Variants in GINS2 observed in about 807,000 individuals in gnomAD.
The protein encoded by GINS2 is DNA replication complex GINS protein PSF2.
Under a neutral mutation model 21.2 loss-of-function variants are expected in GINS2, and 23 were observed. The ratio of observed to expected loss-of-function variants is 1.08; its 90% CI spans 0.78 to 1.53. GINS2 has a LOEUF of 1.53. GINS2 is among the 40% of genes most tolerant of loss of function. The pLI, the probability that GINS2 is intolerant of heterozygous loss-of-function variation, is 0.00. For missense variants in GINS2, 323 were observed against 233.9 expected (o/e 1.38, Z -2.49); for synonymous variants, 118 against 85.6 (o/e 1.38, Z -2.09).
chr16:85,682,335 T>G (rs1002220516), intron 2 of GINS2, among the ~76,000 whole-genome samples: 2 of 152,156 alleles, frequency 1.3e-5, no homozygotes, highest in Admixed American at 1.3e-4. Context: ...ATGCAATAAG[T>G]GATCAAACTA....
At chr16:85,685,456 A>T (rs965503196) in intron 2 of GINS2, among the ~76,000 whole-genome samples, 3 of 151,798 alleles carry the variant, frequency 2.0e-5, no homozygotes, top group African/African-American at 7.3e-5. Context: ...GGAGCCCAGA[A>T]GTTTGACACC....
At position 85,678,371 on chromosome 16, in the gene GINS2, AGT is replaced by A. The variant is rs772703666; in HGVS notation, c.433-36_433-35del. The A allele has an allele frequency of 3.1e-6, 5 of 1,611,098 alleles. No homozygotes were observed. The African/African-American group carries it at 6.7e-5, about 22-fold the overall frequency. On this transcript the variant is annotated intron_variant, in intron 4 of 4. Transcript: ENST00000253462. ...AGAAAACAGACCAAGTTGGCCAAGG[AGT>A]TTTTGATTTTGAGAAAAAGGTAAAC... is the stretch of plus-strand genomic sequence containing the variant.
At chr16:85,686,425 A>C (rs971380442) in intron 2 of GINS2, among the ~76,000 whole-genome samples, 1 of 152,168 alleles carries the variant, frequency 6.6e-6, no homozygotes, top group Non-Finnish European at 1.5e-5. Flanking sequence ...CTCAAAAAAA[A>C]AAAAAAAGTA....
At chr16:85,686,722 A>G (rs1453585883) in intron 2 of GINS2, among the ~76,000 whole-genome samples, 1 of 152,238 alleles carries the variant, frequency 6.6e-6, no homozygotes, top group African/African-American at 2.4e-5. Context: ...AAGATCTTTA[A>G]GATGTTTCAG....
rs771461968 is a variant in GINS2 at position 85,678,287 on chromosome 16, T to C, written c.483A>G (p.Thr161=). The C allele has an allele frequency of 3.1e-6, 5 of 1,613,232 alleles. No homozygotes were observed. The South Asian group carries it at 5.5e-5, about 18-fold the overall frequency. The change falls in exon 5 of 5, where the codon ACA becomes ACG. Residue 161 remains threonine (T), a synonymous_variant. Transcript: ENST00000253462. ...GTTTGTACATGTGGTTGAGCGCTTG[T>C]GTGAGGAAAGTCCCGCTGGTGTTGA... ...MEINTSGTFL[T]QALNHMYKLR... is the part of the protein sequence containing the mutation.
rs138279242 is a variant in GINS2, at chr16:85,678,994, C to T, written c.306-328G>A. ...ACAGCATTCCGTGCTGCCTAACCTCCATCTACAAGGAATCAGTTTCGAGGG... is the reference window on the plus strand; with the variant it reads ...ACAGCATTCCGTGCTGCCTAACCTCTATCTACAAGGAATCAGTTTCGAGGG... On this transcript the variant is annotated intron_variant, in intron 3 of 4. Coordinates refer to ENST00000253462, the MANE Select transcript of GINS2 (RefSeq NM_016095.3). Among the ~76,000 whole-genome samples the T allele has an allele frequency of 8.5e-3, 1,302 of 152,298 alleles. 44 individuals carry two copies. The highest frequency in any genetic ancestry group is 0.062 in the South Asian group (300 of 4,814).
chr16:85,683,903 C>T (rs2053754175), intron 2 of GINS2, among the ~76,000 whole-genome samples: 1 of 152,210 alleles, frequency 6.6e-6, no homozygotes, highest in African/African-American at 2.4e-5. Context: ...AAAGGCTCAG[C>T]TGCTTTGAAG....
chr16:85,687,411 C>A, intron 2 of GINS2, 49 bp downstream of exon 2: 1 of 1,181,266 alleles, frequency 8.5e-7, no homozygotes, highest in East Asian at 2.6e-5. Flanking sequence ...GGGCGTCACC[C>A]CAAGCCCAGC....
At chr16:85,681,443 T>C (rs1350530472) in intron 3 of GINS2, 139 bp downstream of exon 3, 1 of 617,444 alleles carries the variant, frequency 1.6e-6, no homozygotes, top group Non-Finnish European at 2.9e-6. Flanking sequence ...TCATGGTCAC[T>C]GACCTGAGAA....
At position 85,688,865 on chromosome 16, in the gene GINS2, T is replaced by C. The variant is rs1326600880; in HGVS notation, c.34A>G (p.Lys12Glu). Residue 12 changes from lysine to glutamate, a missense_variant, in exon 1 of 5, where the codon AAG becomes GAG. Physicochemically the swap from Lys to Glu is moderately conservative, Grantham distance 56 (BLOSUM62 1). Transcript: ENST00000253462. ...DAAEVEFLAE[K>E]ELVTIIPNFS... ...TTGGGGATAATGGTAACCAGCTCCT[T>C]CTCGGCGAGGAATTCGACCTCGGCA... 2 of 1,542,764 alleles carry C rather than the reference T, an allele frequency of 1.3e-6. No homozygotes were observed. The highest frequency in any genetic ancestry group is 4.0e-5 in the Admixed American group (2 of 50,626).
Position 85,688,913 on chromosome 16 carries a change from C to T in GINS2, c.-15G>A. 2 of 1,526,224 alleles carry T rather than the reference C, an allele frequency of 1.3e-6. No homozygotes were observed. The highest frequency in any genetic ancestry group is 1.7e-4 in the Middle Eastern group (1 of 5,918). 94.5% of individuals were successfully genotyped at this position (1,526,224 alleles called of 1,614,324 possible). ...GCAGCGTCCATGGCGGCGCGAGCTGCAGGCCAGAGCCTCACGGTCTCCTCG... is the reference window on the plus strand; with the variant it reads ...GCAGCGTCCATGGCGGCGCGAGCTGTAGGCCAGAGCCTCACGGTCTCCTCG... On this transcript the variant is annotated 5_prime_UTR_variant, in exon 1 of 5. Transcript: ENST00000253462.
At chr16:85,686,260 AAAAC>A (rs1270805613) in intron 2 of GINS2, among the ~76,000 whole-genome samples, 2 of 152,112 alleles carry the variant, frequency 1.3e-5, no homozygotes, top group African/African-American at 4.8e-5. Context: ...TAAAAATACA[AAAAC>A]AAAATTAGCC....
rs369222886 is a variant in GINS2 at position 85,678,225 on chromosome 16, G to C, written c.545C>G (p.Ser182Cys). 3 of 1,613,376 alleles carry C rather than the reference G, an allele frequency of 1.9e-6. No homozygotes were observed. The South Asian group carries it at 3.3e-5, about 18-fold the overall frequency. Reference sequence around the variant, plus strand: ...CCAGGCCTTTCTCTAGAAGTCCTGAGACTGAGTACTCTCCAGAGGCTGGAG... The same window carrying C: ...CCAGGCCTTTCTCTAGAAGTCCTGACACTGAGTACTCTCCAGAGGCTGGAG... ...TNLQPLESTQSQDF is the reference protein window; with the variant it reads ...TNLQPLESTQCQDF Residue 182 changes from serine to cysteine, a missense_variant, in exon 5 of 5, where the codon TCT becomes TGT. Physicochemically the swap from Ser to Cys is moderately radical, Grantham distance 112. Transcript: ENST00000253462.
chr16:85,686,638 G>C (rs1405983579), intron 2 of GINS2, among the ~76,000 whole-genome samples: 4 of 152,108 alleles, frequency 2.6e-5, no homozygotes, highest in Admixed American at 1.3e-4. Flanking sequence ...CTATTGATTT[G>C]CCTATTCTAG....
At chr16:85,685,657 C>A (rs72803017) in intron 2 of GINS2, among the ~76,000 whole-genome samples, 26,209 of 105,820 alleles carry the variant, frequency 0.25, 3,305 homozygotes, top group Middle Eastern at 0.32. Flanking sequence ...GGTGACAGAG[C>A]AAGACCCTTT....
At chr16:85,683,198 C>A (rs995544312) in intron 2 of GINS2, among the ~76,000 whole-genome samples, 7 of 152,070 alleles carry the variant, frequency 4.6e-5, no homozygotes, top group Non-Finnish European at 7.4e-5. Flanking sequence ...TCCGTGAACA[C>A]CCCTCTGAGC....
chr16:85,685,867 C>T (rs1225513908), intron 2 of GINS2, among the ~76,000 whole-genome samples: 4 of 151,344 alleles, frequency 2.6e-5, no homozygotes, highest in African/African-American at 7.3e-5. Context: ...CCAATAAGTC[C>T]CAGTAAGGAG....
intron 2 of GINS2, 86 bp from the exon 3 acceptor site, chr16:85,681,767 T>A: frequency 1.3e-6 from 1 of 772,430 alleles, no homozygotes. Context: ...GCCTATATTA[T>A]CTGGCAAATA....
At chr16:85,681,186 C>T (rs532084305) in intron 3 of GINS2, among the ~76,000 whole-genome samples, 1 of 152,340 alleles carries the variant, frequency 6.6e-6, no homozygotes, top group African/African-American at 2.4e-5. Context: ...CAAGGAGAAA[C>T]AGGAGTAAAG....
Sources: allele counts gnomAD v4.1 joint callset (sites outside exome capture counted in the v4.1 genomes callset), GRCh38; gene constraint gnomAD v4.1.1; transcripts MANE v1.5; gene names NCBI Gene and HGNC (gene_info 2026-07-23, HGNC 2026-07-21).